MECOM: variants seen among roughly 807,000 people sequenced by gnomAD.
MECOM encodes MDS1 and EVI1 complex locus.
A neutral mutation model predicts 116.3 loss-of-function variants in MECOM; 13 were observed. The observed-to-expected ratio is 0.11, with a 90% CI of 0.07 to 0.18. The LOEUF (loss-of-function observed/expected upper bound fraction) is 0.18. Among genes scored for constraint, MECOM ranks in the 10% least tolerant of loss-of-function variants. The probability of loss-of-function intolerance (pLI) is 1.00; values close to 1 mark genes in which losing one functional copy is unlikely to be tolerated. For missense variants in MECOM, 1,299 were observed against 1,509.0 expected (o/e 0.86, Z 2.31); for synonymous variants, 528 against 535.2 (o/e 0.99, Z 0.19).
chr3:169,505,063 G>A (rs1029953862), intron 1 of MECOM, among the ~76,000 whole-genome samples: 1 of 152,078 alleles, frequency 6.6e-6, no homozygotes, highest in African/African-American at 2.4e-5. Context: ...CTATGTTGTT[G>A]CATGAATAGC....
At chr3:169,284,853 G>A (rs1381389735) in intron 2 of MECOM, among the ~76,000 whole-genome samples, 1 of 152,042 alleles carries the variant, frequency 6.6e-6, no homozygotes, top group Non-Finnish European at 1.5e-5. Flanking sequence ...AATTATCACT[G>A]AGTTTTACAT....
chr3:169,146,388 C>G (rs900492817), intron 2 of MECOM: 18 of 1,387,632 alleles, frequency 1.3e-5, no homozygotes, highest in African/African-American at 2.9e-5. Flanking sequence ...TGTGCGTCCC[C>G]GAAACCGACG....
intron 1 of MECOM, among the ~76,000 whole-genome samples, chr3:169,641,894 GAGA>G (rs965505842): frequency 2.0e-5 from 3 of 152,206 alleles, no homozygotes; most frequent in African/African-American, 7.2e-5. Context: ...CATTGGAATG[GAGA>G]AGAAGGTCCA....
At chr3:169,287,609 T>G (rs1463416049) in intron 2 of MECOM, among the ~76,000 whole-genome samples, 1 of 152,224 alleles carries the variant, frequency 6.6e-6, no homozygotes, top group Non-Finnish European at 1.5e-5. Context: ...AATGTTTACT[T>G]GAAATGCATG....
At chr3:169,311,084 T>A (rs761990352) in intron 2 of MECOM, among the ~76,000 whole-genome samples, 1 of 152,242 alleles carries the variant, frequency 6.6e-6, no homozygotes, top group African/African-American at 2.4e-5. Context: ...GCTCTAATGC[T>A]GTTCTTCACA....
intron 12 of MECOM, among the ~76,000 whole-genome samples, chr3:169,096,582 A>C (rs1396282866): frequency 6.6e-6 from 1 of 152,120 alleles, no homozygotes; most frequent in Non-Finnish European, 1.5e-5. Context: ...CAAATGACTT[A>C]TAAATGAAAA....
chr3:169,086,338 G>C (rs1717725572), intron 16 of MECOM, among the ~76,000 whole-genome samples: 1 of 152,160 alleles, frequency 6.6e-6, no homozygotes, highest in African/African-American at 2.4e-5. Context: ...TATGGGTTAA[G>C]TGAGCATTCA....
chr3:169,629,989 C>T lies in MECOM; in HGVS notation c.37+33347G>A, dbSNP rs1177188068. On this transcript the variant is annotated intron_variant, in intron 1 of 16. Transcript: ENST00000651503. Reference sequence around the variant, plus strand: ...CCTCTCCCAGCCCTTCTGCGGAGCCCTGCCAAGGACTAGTCCCAGCCTGCT... The same window carrying T: ...CCTCTCCCAGCCCTTCTGCGGAGCCTTGCCAAGGACTAGTCCCAGCCTGCT... Among the ~76,000 whole-genome samples the T allele has an allele frequency of 2.0e-5, 3 of 152,230 alleles. No individual in the cohort carries two copies. The East Asian group carries it at 5.8e-4, about 29-fold the overall frequency.
At position 169,644,634 on chromosome 3, in the gene MECOM, T is replaced by C. The variant is rs114804073; in HGVS notation, c.37+18702A>G. Among the ~76,000 whole-genome samples the C allele has an allele frequency of 8.3e-3, 1,262 of 152,300 alleles. 18 individuals carry two copies. The highest frequency in any genetic ancestry group is 0.029 in the African/African-American group (1,199 of 41,552). On this transcript the variant is annotated intron_variant, in intron 1 of 16. Transcript: ENST00000651503. Reference sequence around the variant, plus strand: ...CTCAAAATTCTCATAAAAACCTGGCTTTAATCTCTCTTTTCAACAATTGAA... The same window carrying C: ...CTCAAAATTCTCATAAAAACCTGGCCTTAATCTCTCTTTTCAACAATTGAA...
chr3:169,628,585 ATC>A (rs1771671137), intron 1 of MECOM, among the ~76,000 whole-genome samples: 1 of 152,216 alleles, frequency 6.6e-6, no homozygotes, highest in African/African-American at 2.4e-5. Context: ...ACACACAGCT[ATC>A]TCTATACATT....
At chr3:169,385,479 C>T (rs1295476316) in intron 1 of MECOM, among the ~76,000 whole-genome samples, 2 of 151,820 alleles carry the variant, frequency 1.3e-5, no homozygotes, top group East Asian at 1.9e-4. Flanking sequence ...TAGTATCATC[C>T]AAATTAAATG....
chr3:169,426,777 T>C (rs1390187354), intron 1 of MECOM, among the ~76,000 whole-genome samples: 1 of 152,200 alleles, frequency 6.6e-6, no homozygotes, highest in Non-Finnish European at 1.5e-5. Context: ...TCAGAATCCT[T>C]CTTCCAAATG....
At chr3:169,399,043 C>T (rs1010247405) in intron 1 of MECOM, among the ~76,000 whole-genome samples, 1 of 152,106 alleles carries the variant, frequency 6.6e-6, no homozygotes, top group African/African-American at 2.4e-5. Context: ...GTACATAAAA[C>T]GTACCTCAAA....
At chr3:169,119,550 C>T (rs1730297158) in intron 7 of MECOM, among the ~76,000 whole-genome samples, 1 of 152,086 alleles carries the variant, frequency 6.6e-6, no homozygotes, top group Non-Finnish European at 1.5e-5. Context: ...TATTTTCTGA[C>T]TTTTATTTTA....
intron 1 of MECOM, among the ~76,000 whole-genome samples, chr3:169,603,517 G>A (rs1322488165): frequency 6.6e-6 from 1 of 152,176 alleles, no homozygotes; most frequent in Non-Finnish European, 1.5e-5. Context: ...AAAGTCCAGG[G>A]CTTTCACATT....
chr3:169,184,983 T>A (rs1471164614), intron 2 of MECOM, among the ~76,000 whole-genome samples: 1 of 152,140 alleles, frequency 6.6e-6, no homozygotes, highest in African/African-American at 2.4e-5. Context: ...AAGGTGGGCA[T>A]CTAAATTCCA....
chr3:169,121,427 G>A (rs984233141), intron 6 of MECOM, among the ~76,000 whole-genome samples: 1 of 152,120 alleles, frequency 6.6e-6, no homozygotes. Flanking sequence ...TGTATCCACT[G>A]GTATCAGTTG....
intron 2 of MECOM, among the ~76,000 whole-genome samples, chr3:169,234,057 G>A (rs1363102630): frequency 1.3e-5 from 2 of 152,098 alleles, no homozygotes; most frequent in Non-Finnish European, 2.9e-5. Flanking sequence ...AAAGTGAAAT[G>A]TAAATGTGTC....
At chr3:169,227,486 CT>C (rs1258734886) in intron 2 of MECOM, among the ~76,000 whole-genome samples, 2 of 152,078 alleles carry the variant, frequency 1.3e-5, no homozygotes, top group African/African-American at 4.8e-5. Context: ...TATAGATTTT[CT>C]TTTCTCTGTA....
Sources: gnomAD v4.1 joint callset for allele counts (sites outside exome capture counted in the v4.1 genomes callset) on GRCh38, gnomAD v4.1.1 for gene constraint, MANE v1.5 for transcripts, NCBI Gene and HGNC (gene_info 2026-07-23, HGNC 2026-07-21) for gene names.